DYM: variants seen among roughly 807,000 people sequenced by gnomAD.
The protein encoded by DYM is dyggve-Melchior-Clausen syndrome protein.
In DYM, 78 loss-of-function variants were observed where a neutral mutation model predicts 93.1. The observed-to-expected ratio is 0.84, with a 90% CI of 0.70 to 1.01. The LOEUF (loss-of-function observed/expected upper bound fraction) is 1.01. Ranked by LOEUF, DYM falls within the 50% of genes least tolerant of loss-of-function variation. The pLI is 0.00. For missense variants in DYM, 789 were observed against 845.0 expected (o/e 0.93, Z 0.82); for synonymous variants, 321 against 319.7 (o/e 1.00, Z -0.04).
At chr18:49,160,145 T>C (rs1385812733) in intron 15 of DYM, among the ~76,000 whole-genome samples, 1 of 152,186 alleles carries the variant, frequency 6.6e-6, no homozygotes, top group Non-Finnish European at 1.5e-5. Flanking sequence ...AATGGAACTT[T>C]ATTTGCTTTC....
intron 1 of DYM, among the ~76,000 whole-genome samples, chr18:49,437,460 C>T (rs1055670001): frequency 1.3e-5 from 2 of 152,064 alleles, no homozygotes; most frequent in Non-Finnish European, 2.9e-5. Context: ...AAATCATTCT[C>T]CAAGTAATAA....
intron 17 of DYM, among the ~76,000 whole-genome samples, chr18:49,071,475 C>T (rs943556705): frequency 6.6e-6 from 1 of 152,198 alleles, no homozygotes; most frequent in African/African-American, 2.4e-5. Flanking sequence ...CTTATCTCCC[C>T]GTGATGAACA....
At chr18:49,434,792 C>T (rs1443526989) in intron 1 of DYM, among the ~76,000 whole-genome samples, 1 of 151,822 alleles carries the variant, frequency 6.6e-6, no homozygotes, top group African/African-American at 2.4e-5. Flanking sequence ...ATAGCAATAC[C>T]CTGTCTCTAA....
intron 17 of DYM, among the ~76,000 whole-genome samples, chr18:49,086,686 A>G (rs1051469607): frequency 3.3e-5 from 5 of 152,104 alleles, no homozygotes; most frequent in African/African-American, 1.2e-4. Context: ...GAAGGGGATT[A>G]GTGCCCTCAA....
chr18:49,243,313 T>G (rs1029872385), intron 13 of DYM, among the ~76,000 whole-genome samples: 13 of 152,158 alleles, frequency 8.5e-5, no homozygotes, highest in Admixed American at 5.2e-4. Flanking sequence ...AGAAAATATC[T>G]GATAAATGAT....
rs72642451 is a variant in DYM, at chr18:49,275,872, A to G, written c.1126-3569T>C. The stretch of plus-strand genomic sequence containing the variant: ...TCTTAACTTCATTTTGGGATTTCTC[A>G]TATATAAAAATACTATTTTTTGCAT... On this transcript the variant is annotated intron_variant, in intron 10 of 17. Transcript: ENST00000675505. 1.8e-3 allele frequency among the ~76,000 whole-genome samples: 273 copies of G among 152,278 alleles called. 10 individuals are homozygous for G. In the East Asian group the frequency reaches 0.049, roughly 27 times the overall value.
intron 13 of DYM, among the ~76,000 whole-genome samples, chr18:49,219,812 C>T (rs2093268213): frequency 6.6e-6 from 1 of 151,608 alleles, no homozygotes; most frequent in Admixed American, 6.6e-5. Flanking sequence ...ACTGAATGGG[C>T]AAAAACTGGA....
chr18:49,315,414 A>G (rs887779684), intron 8 of DYM, among the ~76,000 whole-genome samples: 7 of 152,206 alleles, frequency 4.6e-5, no homozygotes, highest in African/African-American at 1.7e-4. Flanking sequence ...AAAATGTAAT[A>G]TATTTCTTAA....
chr18:49,314,928 C>T (rs991874496), intron 8 of DYM, among the ~76,000 whole-genome samples: 5 of 152,130 alleles, frequency 3.3e-5, no homozygotes, highest in South Asian at 2.1e-4. Context: ...AAGGCCAGGC[C>T]GGTGTCTGAG....
At chr18:49,170,321 G>A (rs1171419785) in intron 14 of DYM, among the ~76,000 whole-genome samples, 1 of 152,124 alleles carries the variant, frequency 6.6e-6, no homozygotes, top group Non-Finnish European at 1.5e-5. Flanking sequence ...GAAACCTACA[G>A]GTGCTCAGGA....
At chr18:49,401,185 A>G (rs1180800451) in intron 2 of DYM, among the ~76,000 whole-genome samples, 1 of 152,218 alleles carries the variant, frequency 6.6e-6, no homozygotes. Flanking sequence ...AAAACTGTCA[A>G]TAGTGGGAAA....
intron 11 of DYM, among the ~76,000 whole-genome samples, chr18:49,262,410 A>G (rs554406486): frequency 3.3e-5 from 5 of 152,200 alleles, no homozygotes; most frequent in Non-Finnish European, 5.9e-5. Flanking sequence ...TGGTACTCAG[A>G]CAACTCTAGA....
chr18:49,249,190 A>C (rs1379623257), intron 13 of DYM, among the ~76,000 whole-genome samples: 2 of 152,206 alleles, frequency 1.3e-5, no homozygotes, highest in African/African-American at 4.8e-5. Flanking sequence ...CCAGCTGTGA[A>C]GAGTCAATAC....
intron 8 of DYM, among the ~76,000 whole-genome samples, chr18:49,290,655 GATATATATGT>G (rs1402797893): frequency 1.3e-5 from 2 of 151,852 alleles, no homozygotes; most frequent in Non-Finnish European, 2.9e-5. Flanking sequence ...CATATATATA[GATATATATGT>G]ATATATATGC....
intron 5 of DYM, among the ~76,000 whole-genome samples, chr18:49,378,262 C>T (rs935477875): frequency 1.6e-4 from 24 of 152,124 alleles, no homozygotes; most frequent in Admixed American, 1.0e-3. Flanking sequence ...GAAAGAAATA[C>T]ATATTTGTGT....
At chr18:49,362,960 T>G (rs1221877317) in intron 6 of DYM, among the ~76,000 whole-genome samples, 1 of 152,262 alleles carries the variant, frequency 6.6e-6, no homozygotes, top group Non-Finnish European at 1.5e-5. Context: ...TGTTTTCCCC[T>G]TAACAACGTA....
intron 13 of DYM, among the ~76,000 whole-genome samples, chr18:49,214,847 T>C (rs1418531614): frequency 6.6e-6 from 1 of 152,200 alleles, no homozygotes; most frequent in African/African-American, 2.4e-5. Context: ...AAGATGATGA[T>C]TCATTTTAGT....
At chr18:49,307,201 C>A (rs1232882765) in intron 8 of DYM, among the ~76,000 whole-genome samples, 1 of 152,032 alleles carries the variant, frequency 6.6e-6, no homozygotes, top group Non-Finnish European at 1.5e-5. Flanking sequence ...AGGAGAGTTA[C>A]AACAGAACTG....
intron 6 of DYM, among the ~76,000 whole-genome samples, chr18:49,337,435 T>C (rs556230): frequency 0.94 from 142,989 of 152,260 alleles, 67,217 homozygotes; most frequent in East Asian, 1. Flanking sequence ...AAAAATGGTC[T>C]TTGTCAAAAT....
Sources: allele counts gnomAD v4.1 joint callset (sites outside exome capture counted in the v4.1 genomes callset), GRCh38; gene constraint gnomAD v4.1.1; transcripts MANE v1.5; gene names NCBI Gene and HGNC (gene_info 2026-07-23, HGNC 2026-07-21).